Variants in CTNNA3 observed in about 807,000 individuals in gnomAD.
The protein encoded by CTNNA3 is catenin alpha 3, also known as catenin alpha-3.
In CTNNA3, 76 loss-of-function variants were observed where a neutral mutation model predicts 95.7. The ratio of observed to expected loss-of-function variants is 0.79; its 90% CI spans 0.66 to 0.96. The LOEUF is 0.96. Among genes scored for constraint, CTNNA3 ranks in the 40% least tolerant of loss-of-function variants. CTNNA3 has a pLI of 0.00. For missense variants in CTNNA3, 1,191 were observed against 1,089.8 expected, an observed-to-expected ratio of 1.09 and a Z score of -1.31; for synonymous variants, 431 against 374.4, an observed-to-expected ratio of 1.15 and a Z score of -1.74.
intron 7 of CTNNA3, among the ~76,000 whole-genome samples, chr10:66,815,746 G>T (rs1355112743): frequency 6.6e-6 from 1 of 151,954 alleles, no homozygotes; most frequent in African/African-American, 2.4e-5. Context: ...CCACATAATC[G>T]AAACGTGGCA....
At chr10:66,425,151 C>T (rs1410230375) in intron 11 of CTNNA3, among the ~76,000 whole-genome samples, 3 of 151,844 alleles carry the variant, frequency 2.0e-5, no homozygotes, top group South Asian at 4.2e-4. Context: ...TAAATTCTTT[C>T]TTCTGAAATT....
chr10:66,683,568 T>C (rs887853722), intron 9 of CTNNA3, among the ~76,000 whole-genome samples: 2 of 152,208 alleles, frequency 1.3e-5, no homozygotes, highest in African/African-American at 4.8e-5. Flanking sequence ...GCAGATCTTA[T>C]CCATATTTAA....
In CTNNA3 at chr10:66,766,344, C is replaced by T; in HGVS notation, c.1201G>A (p.Glu401Lys). 1 of 1,613,684 alleles carries T rather than the reference C, an allele frequency of 6.2e-7. No homozygotes were observed. Among genetic ancestry groups the T allele is most frequent in the Non-Finnish European group, 8.5e-7 (1 of 1,179,740 alleles). The change falls in exon 9 of 18, where the codon GAA becomes AAA. Residue 401 changes from glutamate (E) to lysine (K), a missense_variant. Physicochemically the swap from Glu to Lys is moderately conservative, Grantham distance 56. Coordinates refer to ENST00000433211, the MANE Select transcript of CTNNA3 (RefSeq NM_013266.4). ...DTTVPLLVLIEAAKNGREKEI... is the reference protein window; with the variant it reads ...DTTVPLLVLIKAAKNGREKEI... ...TTTTCCCGGCCATTCTTAGCAGCTT[C>T]AATGAGAACCAAAAGAGGGACTGTC...
At chr10:66,736,510 A>G (rs1849148577) in intron 9 of CTNNA3, among the ~76,000 whole-genome samples, 1 of 151,860 alleles carries the variant, frequency 6.6e-6, no homozygotes, top group South Asian at 2.1e-4. Flanking sequence ...ACAATTTTAC[A>G]TTATTCTTTC....
intron 14 of CTNNA3, among the ~76,000 whole-genome samples, chr10:66,100,489 G>A (rs1175200552): frequency 2.0e-5 from 3 of 152,166 alleles, no homozygotes; most frequent in African/African-American, 4.8e-5. Context: ...AGTAGATTTC[G>A]TGGTCAGGGA....
intron 7 of CTNNA3, among the ~76,000 whole-genome samples, chr10:67,133,242 G>T (rs1564913334): frequency 6.9e-6 from 1 of 145,908 alleles, no homozygotes; most frequent in Non-Finnish European, 1.5e-5. Flanking sequence ...GCAAGGAAAG[G>T]ATATATATAT....
At chr10:67,650,077 G>T (rs1839833089) in intron 1 of CTNNA3, among the ~76,000 whole-genome samples, 1 of 152,172 alleles carries the variant, frequency 6.6e-6, no homozygotes, top group Admixed American at 6.5e-5. Context: ...GACCTCAGGT[G>T]ATCCGCCCGC....
At chr10:66,576,202 G>T (rs1842997868) in intron 10 of CTNNA3, among the ~76,000 whole-genome samples, 1 of 152,084 alleles carries the variant, frequency 6.6e-6, no homozygotes, top group Admixed American at 6.6e-5. Context: ...AATCACTGGG[G>T]AGCTTGTTAA....
At chr10:67,356,935 A>T (rs1444634992) in intron 5 of CTNNA3, among the ~76,000 whole-genome samples, 1 of 152,106 alleles carries the variant, frequency 6.6e-6, no homozygotes, top group African/African-American at 2.4e-5. Context: ...ATTCATAATG[A>T]TAATCTTCAA....
chr10:66,489,194 A>G (rs1486750340), intron 11 of CTNNA3, among the ~76,000 whole-genome samples: 1 of 152,202 alleles, frequency 6.6e-6, no homozygotes, highest in Non-Finnish European at 1.5e-5. Context: ...TCAGATTATC[A>G]AAATTTTACT....
At chr10:66,875,395 T>TAA (rs76999620) in intron 7 of CTNNA3, among the ~76,000 whole-genome samples, 1,507 of 146,942 alleles carry the variant, frequency 0.01, 11 homozygotes, top group Middle Eastern at 0.056. Context: ...CACTGTTATT[T>TAA]AAAAAAAAAA....
chr10:66,126,458 T>A (rs2082833497), intron 13 of CTNNA3, among the ~76,000 whole-genome samples: 1 of 152,198 alleles, frequency 6.6e-6, no homozygotes. Context: ...ATTCCCTTGC[T>A]CTGTCAGCTG....
intron 7 of CTNNA3, among the ~76,000 whole-genome samples, chr10:66,885,708 T>G (rs138461475): frequency 8.9e-4 from 136 of 152,266 alleles, no homozygotes; most frequent in African/African-American, 3.0e-3. Context: ...GTGCATTCAG[T>G]ACATATCTTA....
chr10:65,938,203 G>A lies in CTNNA3; in HGVS notation c.2401-17586C>T, dbSNP rs141670339. On this transcript the variant is annotated intron_variant, in intron 17 of 17. Transcript: ENST00000433211. ...CAGAATTAGGTAGATATTGTATCCT[G>A]GAGTATTTGATTCCGTTGATACTAG... Among the ~76,000 whole-genome samples, 688 of 152,202 alleles carry A rather than the reference G, an allele frequency of 4.5e-3. 4 individuals carry two copies. Among genetic ancestry groups the A allele is most frequent in the East Asian group, 0.021 (110 of 5,150 alleles).
At chr10:66,920,780 T>G (rs1589426478) in intron 7 of CTNNA3, among the ~76,000 whole-genome samples, 1 of 152,300 alleles carries the variant, frequency 6.6e-6, no homozygotes, top group South Asian at 2.1e-4. Context: ...ATCCCTAGGG[T>G]TGCTTAGCCA....
intron 1 of CTNNA3, among the ~76,000 whole-genome samples, chr10:67,686,509 G>A (rs971080292): frequency 2.5e-4 from 38 of 152,204 alleles, no homozygotes; most frequent in African/African-American, 8.9e-4. Context: ...TTGAAGCACT[G>A]GTCCCTCAAG....
chr10:67,392,776 A>T (rs1844555936), intron 5 of CTNNA3, among the ~76,000 whole-genome samples: 1 of 152,130 alleles, frequency 6.6e-6, no homozygotes, highest in Admixed American at 6.6e-5. Context: ...TGAAATTGGA[A>T]ATCATCATTC....
intron 17 of CTNNA3, among the ~76,000 whole-genome samples, chr10:65,958,028 A>T (rs1377261022): frequency 1.3e-5 from 2 of 152,150 alleles, no homozygotes; most frequent in Non-Finnish European, 2.9e-5. Flanking sequence ...CACCAATCAG[A>T]TGTAGATTTG....
chr10:66,528,196 G>T (rs1485790733), intron 10 of CTNNA3, among the ~76,000 whole-genome samples: 1 of 152,120 alleles, frequency 6.6e-6, no homozygotes, highest in East Asian at 1.9e-4. Flanking sequence ...GCATTAGGTT[G>T]TCTGACACCC....
Sources: allele counts gnomAD v4.1 joint callset (sites outside exome capture counted in the v4.1 genomes callset), GRCh38; gene constraint gnomAD v4.1.1; transcripts MANE v1.5; gene names NCBI Gene and HGNC (gene_info 2026-07-23, HGNC 2026-07-21).